IL15: variants seen among roughly 807,000 people sequenced by gnomAD.
IL15 encodes interleukin 15.
Under a neutral mutation model 19.6 loss-of-function variants are expected in IL15, and 11 were observed. That is an observed-to-expected ratio of 0.56 (90% confidence interval 0.35 to 0.93). The LOEUF (loss-of-function observed/expected upper bound fraction) is 0.93. Ranked by LOEUF, IL15 falls within the 40% of genes least tolerant of loss-of-function variation. IL15 has a pLI of 0.01. For missense variants in IL15, 197 were observed against 186.5 expected (o/e 1.06, Z -0.33); for synonymous variants, 58 against 59.6 (o/e 0.97, Z 0.12).
intron 5 of IL15, among the ~76,000 whole-genome samples, chr4:141,722,383 C>T (rs1730119549): frequency 6.6e-6 from 1 of 152,026 alleles, no homozygotes; most frequent in African/African-American, 2.4e-5. Context: ...GTGGCCTGAC[C>T]TAAGGAAGTG....
At chr4:141,721,018 C>T (rs1730055577) in intron 4 of IL15, 2 of 631,880 alleles carry the variant, frequency 3.2e-6, no homozygotes, top group Non-Finnish European at 5.4e-6. Context: ...TAATAAAATT[C>T]ATATGTTTCC....
chr4:141,733,974 T>G lies in IL15; in HGVS notation c.*1126T>G, dbSNP rs1730540189. 1 of 152,212 alleles carries G rather than the reference T, an allele frequency of 6.6e-6. No homozygotes were observed. Among genetic ancestry groups the G allele is most frequent in the Non-Finnish European group, 1.5e-5 (1 of 68,028 alleles). The allele number at this position is 152,212 out of a possible 1,614,324, so 9.4% of individuals were successfully genotyped here. A position where few individuals can be genotyped will look rare whatever the true frequency, so the allele number is the denominator to read the frequency against. Reference sequence around the variant, plus strand: ...GAAATATTTTTGTTTTATTATAAATTTATTTCACCTTAATTCTGGTAATAC... The same window carrying G: ...GAAATATTTTTGTTTTATTATAAATGTATTTCACCTTAATTCTGGTAATAC... On this transcript the variant is annotated 3_prime_UTR_variant, in exon 8 of 8. Transcript: ENST00000320650.
intron 2 of IL15, among the ~76,000 whole-genome samples, chr4:141,688,238 C>T (rs1250436813): frequency 6.6e-6 from 1 of 152,148 alleles, no homozygotes; most frequent in Non-Finnish European, 1.5e-5. Flanking sequence ...ATCCTCCCTT[C>T]CCTGACATGT....
rs1484868366 is a variant in IL15 at position 141,722,146 on chromosome 4, C to A, written c.195+138C>A. 3.4e-6 allele frequency: 4 copies of A among 1,160,298 alleles called. No homozygotes were observed. In the South Asian group the frequency reaches 1.1e-4, roughly 33 times the overall value. The allele number at this position is 1,160,298 out of a possible 1,614,324, so 71.9% of individuals were successfully genotyped here. A position where few individuals can be genotyped will look rare whatever the true frequency, so the allele number is the denominator to read the frequency against. On this transcript the variant is annotated intron_variant, in intron 5 of 7. Transcript: ENST00000320650. ...TAGAAATTTATGATCTTATAAAGCT[C>A]AAAAAGAAGTCTTTTCCTTACTGTT...
intron 7 of IL15, 116 bp from the exon 8 acceptor site, chr4:141,732,622 C>A (rs548491517): frequency 1.5e-6 from 2 of 1,344,370 alleles, no homozygotes; most frequent in African/African-American, 1.5e-5. Context: ...TTTGCTAAAG[C>A]TTTCATATCT....
chr4:141,668,092 A>G (rs1728050523), intron 2 of IL15, among the ~76,000 whole-genome samples: 1 of 152,228 alleles, frequency 6.6e-6, no homozygotes, highest in Non-Finnish European at 1.5e-5. Flanking sequence ...TTATTAACAC[A>G]TTTTACAGTT....
chr4:141,685,912 C>T (rs909677491), intron 2 of IL15, among the ~76,000 whole-genome samples: 2 of 152,030 alleles, frequency 1.3e-5, no homozygotes, highest in Admixed American at 6.5e-5. Context: ...CCATTGGGGT[C>T]GCCTCATTAG....
intron 2 of IL15, among the ~76,000 whole-genome samples, chr4:141,714,198 C>A (rs1034787283): frequency 6.6e-6 from 1 of 152,046 alleles, no homozygotes; most frequent in East Asian, 1.9e-4. Context: ...AGAAAACTTA[C>A]ACCTACCTAC....
At chr4:141,656,052 G>C (rs992392693) in intron 1 of IL15, 134 bp from the exon 2 acceptor site, 2 of 393,824 alleles carry the variant, frequency 5.1e-6, no homozygotes, top group Non-Finnish European at 9.0e-6. Flanking sequence ...CTTGACTTAT[G>C]CAGTTTTCTC....
At chr4:141,656,428 G>A (rs777270293) in intron 2 of IL15, 121 bp downstream of exon 2, 20 of 392,808 alleles carry the variant, frequency 5.1e-5, no homozygotes, top group South Asian at 1.4e-4. Flanking sequence ...CTTTTAAAAT[G>A]AGCATCTTGG....
intron 2 of IL15, among the ~76,000 whole-genome samples, chr4:141,690,432 T>A (rs1010859168): frequency 6.6e-6 from 1 of 152,194 alleles, no homozygotes; most frequent in Non-Finnish European, 1.5e-5. Context: ...ACCACTACCC[T>A]GACATTTCAA....
At chr4:141,714,650 G>A (rs1459690913) in intron 2 of IL15, 1 of 152,248 alleles carries the variant, frequency 6.6e-6, no homozygotes, top group Non-Finnish European at 1.5e-5. Flanking sequence ...TGCTTGGCCT[G>A]TCAGTGCATT....
At chr4:141,639,952 TCTATATGTGTGCATATATGA>T (rs1193500826) in intron 1 of IL15, among the ~76,000 whole-genome samples, 29 of 152,312 alleles carry the variant, frequency 1.9e-4, no homozygotes, top group African/African-American at 7.0e-4. Flanking sequence ...CAACTATATG[TCTATATGTGTGCATATATGA>T]CTATATGTGT....
chr4:141,685,165 C>T (rs146427107), intron 2 of IL15, among the ~76,000 whole-genome samples: 110 of 152,192 alleles, frequency 7.2e-4, no homozygotes, highest in Middle Eastern at 6.8e-3. Context: ...AGTCAGTATT[C>T]CAAAAGAGAG....
chr4:141,673,126 G>C (rs901596964), intron 2 of IL15, among the ~76,000 whole-genome samples: 1 of 152,138 alleles, frequency 6.6e-6, no homozygotes, highest in Non-Finnish European at 1.5e-5. Context: ...ACATTGTAAT[G>C]GGCAACTGAT....
At chr4:141,675,890 G>A (rs1377384930) in intron 2 of IL15, among the ~76,000 whole-genome samples, 1 of 152,046 alleles carries the variant, frequency 6.6e-6, no homozygotes, top group Admixed American at 6.6e-5. Context: ...CTATGAGAAA[G>A]TCATACCTAT....
intron 2 of IL15, among the ~76,000 whole-genome samples, chr4:141,666,997 A>G (rs1208103663): frequency 6.6e-6 from 1 of 152,160 alleles, no homozygotes; most frequent in Non-Finnish European, 1.5e-5. Context: ...GCCCAGAAAG[A>G]TAGAATATGG....
At chr4:141,646,642 T>C (rs1203563595) in intron 1 of IL15, among the ~76,000 whole-genome samples, 2 of 152,092 alleles carry the variant, frequency 1.3e-5, no homozygotes, top group Non-Finnish European at 2.9e-5. Flanking sequence ...ACCAAGCTTA[T>C]TCAGGTACTT....
intron 5 of IL15, among the ~76,000 whole-genome samples, chr4:141,726,808 G>A (rs1730282076): frequency 6.6e-6 from 1 of 152,032 alleles, no homozygotes; most frequent in Non-Finnish European, 1.5e-5. Context: ...ATTATGATGA[G>A]TGAAAAAAGC....
Sources: allele counts gnomAD v4.1 joint callset (sites outside exome capture counted in the v4.1 genomes callset), GRCh38; gene constraint gnomAD v4.1.1; transcripts MANE v1.5; gene names NCBI Gene and HGNC (gene_info 2026-07-23, HGNC 2026-07-21).